GPHN: variants seen among roughly 807,000 people sequenced by gnomAD.
GPHN encodes gephyrin.
In GPHN, 17 loss-of-function variants were observed where a neutral mutation model predicts 95.5. The observed-to-expected ratio is 0.18, with a 90% CI of 0.12 to 0.27. The LOEUF is 0.27. Ranked by LOEUF, GPHN falls within the 10% of genes least tolerant of loss-of-function variation. The probability of loss-of-function intolerance (pLI) is 1.00; values close to 1 mark genes in which losing one functional copy is unlikely to be tolerated. For synonymous variants in GPHN, 320 were observed against 322.5 expected (o/e 0.99, Z 0.08); for missense variants, 660 against 978.1 (o/e 0.67, Z 4.34).
chr14:67,323,935 A>G, the GPHN span: 1 of 576,360 alleles, frequency 1.7e-6, no homozygotes, highest in South Asian at 2.4e-5. Flanking sequence ...TTTTTTCTGT[A>G]ATATTACTTG....
chr14:66,861,376 T>G (rs923624586), intron 4 of GPHN, among the ~76,000 whole-genome samples: 8 of 152,074 alleles, frequency 5.3e-5, no homozygotes, highest in African/African-American at 1.4e-4. Context: ...AAGAGAGAGA[T>G]AGATTCCAAT....
the GPHN span, among the ~76,000 whole-genome samples, chr14:67,396,944 C>CTTTT: frequency 2.4e-4 from 33 of 139,458 alleles, no homozygotes; most frequent in South Asian, 4.6e-4. Flanking sequence ...TATTGGGAGA[C>CTTTT]TTTTTTTTTT....
intron 2 of GPHN, among the ~76,000 whole-genome samples, chr14:66,718,217 G>A (rs933881585): frequency 1.3e-5 from 2 of 152,144 alleles, no homozygotes; most frequent in African/African-American, 4.8e-5. Flanking sequence ...AAGATGGTGT[G>A]TCTGGAGTTT....
intron 1 of GPHN, among the ~76,000 whole-genome samples, chr14:66,511,672 T>C (rs756095471): frequency 5.9e-5 from 9 of 152,216 alleles, no homozygotes; most frequent in Non-Finnish European, 1.0e-4. Flanking sequence ...TAGTACATAG[T>C]CTGTTGAGAC....
intron 2 of GPHN, among the ~76,000 whole-genome samples, chr14:66,741,058 G>C (rs1026375465): frequency 1.3e-5 from 2 of 152,160 alleles, no homozygotes; most frequent in Admixed American, 6.5e-5. Context: ...GCAGCTTCAA[G>C]CCCTTTTATA....
intron 3 of GPHN, among the ~76,000 whole-genome samples, chr14:66,795,623 C>T (rs1324757967): frequency 1.3e-5 from 2 of 151,952 alleles, no homozygotes; most frequent in Non-Finnish European, 2.9e-5. Flanking sequence ...CAACATCCAT[C>T]CATTATAGTT....
chr14:66,701,172 A>G (rs1411988588), intron 2 of GPHN, among the ~76,000 whole-genome samples: 1 of 152,234 alleles, frequency 6.6e-6, no homozygotes, highest in East Asian at 1.9e-4. Flanking sequence ...GCATATTTAC[A>G]TATGCATGTA....
chr14:67,122,493 TATCTC>T, intron 17 of GPHN, 116 bp downstream of exon 17: 1 of 864,186 alleles, frequency 1.2e-6, no homozygotes, highest in Non-Finnish European at 1.9e-6. Flanking sequence ...AATTTTCACT[TATCTC>T]ATTCTTCAGA....
At chr14:67,586,708 A>T in the GPHN span, 1 of 811,980 alleles carries the variant, frequency 1.2e-6, no homozygotes, top group Non-Finnish European at 1.7e-6. Flanking sequence ...TTTTAATCCT[A>T]AAGTTAGAGT....
chr14:67,323,138 A>G, the GPHN span, among the ~76,000 whole-genome samples: 3 of 151,962 alleles, frequency 2.0e-5, no homozygotes, highest in Non-Finnish European at 2.9e-5. Context: ...AGTATCATTC[A>G]CTTACATTTC....
chr14:67,724,481 T>G, the GPHN span: 1 of 1,610,954 alleles, frequency 6.2e-7, no homozygotes, highest in East Asian at 2.3e-5. Context: ...AGGAAGTTCT[T>G]TGCTGGTGGA....
chr14:67,057,377 G>A (rs562673515), intron 10 of GPHN, among the ~76,000 whole-genome samples: 31 of 148,214 alleles, frequency 2.1e-4, no homozygotes, highest in African/African-American at 7.9e-4. Flanking sequence ...ACTTAAAGTG[G>A]GAGTTGAACA....
intron 1 of GPHN, among the ~76,000 whole-genome samples, chr14:66,680,338 C>T (rs1430791376): frequency 2.0e-5 from 3 of 152,184 alleles, no homozygotes; most frequent in Non-Finnish European, 2.9e-5. Flanking sequence ...AAAATTTTAT[C>T]CTCACAGTGG....
the GPHN span, chr14:67,600,208 C>G: frequency 1.3e-6 from 2 of 1,566,788 alleles, no homozygotes; most frequent in Non-Finnish European, 8.6e-7. Flanking sequence ...CTCCATGACG[C>G]CCCCACTCGG....
At chr14:67,131,627 C>T (rs900616146) in intron 17 of GPHN, among the ~76,000 whole-genome samples, 2 of 152,022 alleles carry the variant, frequency 1.3e-5, no homozygotes. Context: ...CTGGGTGGTT[C>T]ATTTTATATT....
intron 8 of GPHN, among the ~76,000 whole-genome samples, chr14:66,939,610 C>T (rs1313762234): frequency 6.6e-6 from 1 of 152,116 alleles, no homozygotes; most frequent in African/African-American, 2.4e-5. Flanking sequence ...TGTGGGATTC[C>T]AAACTTCCCG....
chr14:67,506,047 T>G, the GPHN span, among the ~76,000 whole-genome samples: 18 of 152,230 alleles, frequency 1.2e-4, no homozygotes, highest in Admixed American at 2.6e-4. Context: ...TCCCAGCAAT[T>G]GGGAGGGTAA....
At chr14:66,938,875 C>T (rs148827556) in intron 8 of GPHN, among the ~76,000 whole-genome samples, 1 of 152,226 alleles carries the variant, frequency 6.6e-6, no homozygotes, top group African/African-American at 2.4e-5. Flanking sequence ...TCAGTATCCC[C>T]TTAAACTAAA....
the GPHN span, among the ~76,000 whole-genome samples, chr14:67,211,815 G>T: frequency 4.0e-4 from 61 of 152,090 alleles, no homozygotes; most frequent in Admixed American, 1.0e-3. Flanking sequence ...TTGCACTCCA[G>T]CCCGGGTGAT....
Sources: gnomAD v4.1 joint callset for allele counts (sites outside exome capture counted in the v4.1 genomes callset) on GRCh38, gnomAD v4.1.1 for gene constraint, MANE v1.5 for transcripts, NCBI Gene and HGNC (gene_info 2026-07-23, HGNC 2026-07-21) for gene names.